Variants in ERLN observed in about 807,000 individuals in gnomAD.
The protein encoded by ERLN is endoregulin, also known as small integral membrane protein 6.
chr17:75,647,795 T>C, the ERLN span: 1 of 500,462 alleles, frequency 2.0e-6, no homozygotes, highest in Non-Finnish European at 3.6e-6. Flanking sequence ...CCTATTGTTT[T>C]TAGGGTTCCC....
the ERLN span, chr17:75,647,454 A>G: frequency 1.3e-6 from 2 of 1,550,198 alleles, no homozygotes; most frequent in Admixed American, 3.9e-5. Context: ...GGGGCCTGGC[A>G]GTGATTATCT....
chr17:75,647,810 C>G, the ERLN span: 10 of 458,850 alleles, frequency 2.2e-5, no homozygotes, highest in African/African-American at 1.8e-4. Context: ...GTTCCCCGAC[C>G]AGAACCCTAA....
the ERLN span, chr17:75,646,546 G>A: frequency 1.0e-4 from 16 of 152,430 alleles, no homozygotes; most frequent in Non-Finnish European, 1.5e-5. Context: ...CAGAAAGGGA[G>A]CCGTGGTTGC....
the ERLN span, among the ~76,000 whole-genome samples, chr17:75,646,985 T>C: frequency 6.6e-6 from 1 of 152,176 alleles, no homozygotes; most frequent in Non-Finnish European, 1.5e-5. Flanking sequence ...GTTTGGCAGT[T>C]GGGGCAGGAA....
chr17:75,647,673 G>C, the ERLN span: 1 of 1,068,844 alleles, frequency 9.4e-7, no homozygotes, highest in Non-Finnish European at 1.4e-6. Context: ...CCAAGCCCTG[G>C]TGTCTTCCTT....
chr17:75,647,529 A>G, the ERLN span: 1 of 1,550,368 alleles, frequency 6.5e-7, no homozygotes, highest in East Asian at 2.4e-5. Flanking sequence ...TCACTTCCAC[A>G]GAAAACACTC....
chr17:75,647,681 CT>C, the ERLN span: 6 of 993,940 alleles, frequency 6.0e-6, no homozygotes, highest in Non-Finnish European at 8.9e-6. Context: ...TGGTGTCTTC[CT>C]TTCCCATCAG....
the ERLN span, chr17:75,646,476 A>G: frequency 1.3e-5 from 2 of 152,306 alleles, no homozygotes; most frequent in African/African-American, 4.8e-5. Flanking sequence ...ACGTGCCCTG[A>G]GCACCCCCAA....
At chr17:75,647,452 G>A in the ERLN span, 84 of 1,550,152 alleles carry the variant, frequency 5.4e-5, no homozygotes, top group East Asian at 2.0e-3. Flanking sequence ...GGGGGGCCTG[G>A]CAGTGATTAT....
the ERLN span, chr17:75,647,299 G>A: frequency 1.5e-6 from 2 of 1,338,178 alleles, no homozygotes; most frequent in South Asian, 1.5e-5. Flanking sequence ...GGAGTCGGCG[G>A]GCAGAGCATA....
chr17:75,647,663 C>T, the ERLN span: 50 of 1,177,212 alleles, frequency 4.2e-5, 1 homozygote, highest in South Asian at 6.3e-4. Context: ...GGCTCAGGGG[C>T]CAAGCCCTGG....
At chr17:75,647,526 C>A in the ERLN span, 1 of 1,550,344 alleles carries the variant, frequency 6.5e-7, no homozygotes, top group East Asian at 2.4e-5. Flanking sequence ...TACTCACTTC[C>A]ACAGAAAACA....
At chr17:75,647,627 T>G in the ERLN span, 4 of 1,494,772 alleles carry the variant, frequency 2.7e-6, no homozygotes, top group Non-Finnish European at 3.6e-6. Flanking sequence ...CCCATTCCAG[T>G]GGTGGGCCCC....
chr17:75,647,863 G>A, the ERLN span: 2 of 306,866 alleles, frequency 6.5e-6, no homozygotes, highest in African/African-American at 4.3e-5. Flanking sequence ...GGTGGAAGGA[G>A]CTATGGCTAA....
At chr17:75,646,796 C>G in the ERLN span, 1 of 152,938 alleles carries the variant, frequency 6.5e-6, no homozygotes, top group South Asian at 2.1e-4. Flanking sequence ...GGTAATGGCT[C>G]CCTCCTTCTC....
chr17:75,647,323 G>A, the ERLN span: 1 of 1,478,538 alleles, frequency 6.8e-7, no homozygotes, highest in Non-Finnish European at 9.1e-7. Context: ...CCTGGGACAG[G>A]GCCTGGGAGG....
chr17:75,647,607 C>G, the ERLN span: 2 of 1,536,726 alleles, frequency 1.3e-6, no homozygotes, highest in African/African-American at 2.7e-5. Flanking sequence ...GGGAGGCGAG[C>G]TGACCTGCCC....
At chr17:75,647,081 A>C in the ERLN span, among the ~76,000 whole-genome samples, 1 of 152,204 alleles carries the variant, frequency 6.6e-6, no homozygotes, top group Non-Finnish European at 1.5e-5. Flanking sequence ...CACACTTGCT[A>C]CTCAGGAAAG....
chr17:75,647,307 A>ATAGCACC, the ERLN span: 1 of 1,408,724 alleles, frequency 7.1e-7, no homozygotes, highest in East Asian at 2.5e-5. Flanking sequence ...CGGGCAGAGC[A>ATAGCACC]TAGCACCTGG....
Sources: allele counts gnomAD v4.1 joint callset (sites outside exome capture counted in the v4.1 genomes callset), GRCh38; gene constraint gnomAD v4.1.1; transcripts MANE v1.5; gene names NCBI Gene and HGNC (gene_info 2026-07-23, HGNC 2026-07-21).